TMEM233: variants seen among roughly 807,000 people sequenced by gnomAD.
The protein encoded by TMEM233 is dispanin subfamily B member 2.
A neutral mutation model predicts 11.2 loss-of-function variants in TMEM233; 6 were observed. The observed-to-expected ratio is 0.54, with a 90% CI of 0.29 to 1.06. TMEM233 has a LOEUF of 1.06. TMEM233 is among the 50% of genes least tolerant of loss of function. The pLI is 0.08. For synonymous variants in TMEM233, 59 were observed against 55.8 expected, an observed-to-expected ratio of 1.06 and a Z score of -0.26; for missense variants, 127 against 144.7, an observed-to-expected ratio of 0.88 and a Z score of 0.63.
chr12:119,613,497 T>G (rs1954454186), intron 1 of TMEM233, among the ~76,000 whole-genome samples: 2 of 152,202 alleles, frequency 1.3e-5, no homozygotes, highest in South Asian at 2.1e-4. Flanking sequence ...ACCCACTGAC[T>G]ATGGTCACAG....
chr12:119,646,375 C>G (rs1566118833), downstream of TMEM233, among the ~76,000 whole-genome samples: 1 of 152,168 alleles, frequency 6.6e-6, no homozygotes, highest in Non-Finnish European at 1.5e-5. Flanking sequence ...AGCTTTCTTA[C>G]AGGGCTCTCT....
At chr12:119,649,958 A>C in the TMEM233 span, among the ~76,000 whole-genome samples, 1 of 151,712 alleles carries the variant, frequency 6.6e-6, no homozygotes, top group Admixed American at 6.6e-5. Context: ...GGAGATCAAG[A>C]CCACCCTGGC....
downstream of TMEM233, among the ~76,000 whole-genome samples, chr12:119,644,243 C>A (rs759559312): frequency 1.7e-4 from 26 of 152,136 alleles, no homozygotes; most frequent in Non-Finnish European, 3.2e-4. Flanking sequence ...AGGATTCAAT[C>A]ACTGGAACTG....
downstream of TMEM233, among the ~76,000 whole-genome samples, chr12:119,644,279 C>G (rs1265518276): frequency 6.6e-6 from 1 of 151,906 alleles, no homozygotes; most frequent in Non-Finnish European, 1.5e-5. Flanking sequence ...CCACTCAAAC[C>G]TTATAGATTG....
chr12:119,644,369 A>G (rs1208774222), downstream of TMEM233, among the ~76,000 whole-genome samples: 1 of 152,242 alleles, frequency 6.6e-6, no homozygotes, highest in African/African-American at 2.4e-5. Context: ...CTAGGCAAAA[A>G]AACAAAAACA....
intron 1 of TMEM233, among the ~76,000 whole-genome samples, chr12:119,621,461 G>A (rs190047118): frequency 6.6e-6 from 1 of 152,134 alleles, no homozygotes; most frequent in Non-Finnish European, 1.5e-5. Flanking sequence ...GGGATTACAG[G>A]TATGAGCCAC....
At chr12:119,609,589 C>T (rs781639949) in intron 1 of TMEM233, among the ~76,000 whole-genome samples, 5 of 152,204 alleles carry the variant, frequency 3.3e-5, no homozygotes, top group Admixed American at 1.3e-4. Context: ...CAGCCTCAGA[C>T]GTGATGCCCT....
Position 119,640,804 on chromosome 12 carries a change from G to A in TMEM233, c.*99G>A. ...GAATGGATCCTTGACTTCAGACTGTGAGATCTTTTCCTCCAGGACTCTCCA... is the reference window on the plus strand; with the variant it reads ...GAATGGATCCTTGACTTCAGACTGTAAGATCTTTTCCTCCAGGACTCTCCA... On this transcript the variant is annotated 3_prime_UTR_variant, in exon 3 of 3. Coordinates refer to ENST00000426426, the MANE Select transcript of TMEM233 (RefSeq NM_001136534.3). 1 of 1,376,578 alleles carries A rather than the reference G, an allele frequency of 7.3e-7. No individual in the cohort carries two copies. The allele number at this position is 1,376,578 out of a possible 1,614,324, so 85.3% of individuals were successfully genotyped here.
At chr12:119,631,755 A>G in intron 2 of TMEM233, 3 of 682,226 alleles carry the variant, frequency 4.4e-6, no homozygotes, top group Non-Finnish European at 5.4e-6. Context: ...ACCTTCAGCC[A>G]ATTGTTTAAC....
chr12:119,620,669 C>T (rs1165102107), intron 1 of TMEM233, among the ~76,000 whole-genome samples: 1 of 152,016 alleles, frequency 6.6e-6, no homozygotes, highest in Non-Finnish European at 1.5e-5. Context: ...AAAGATTGCA[C>T]CATAACAAAT....
chr12:119,651,825 CAAAAAAAA>C, the TMEM233 span, among the ~76,000 whole-genome samples: 13 of 79,422 alleles, frequency 1.6e-4, no homozygotes, highest in Non-Finnish European at 2.7e-4. Context: ...GACTCCGTCT[CAAAAAAAA>C]AAAAAAAAAA....
At chr12:119,612,643 T>C (rs1954424548) in intron 1 of TMEM233, among the ~76,000 whole-genome samples, 1 of 151,450 alleles carries the variant, frequency 6.6e-6, no homozygotes, top group African/African-American at 2.4e-5. Context: ...TCCCAGCTAC[T>C]TGGGAGGCTG....
intron 2 of TMEM233, among the ~76,000 whole-genome samples, chr12:119,633,415 T>TA (rs946544159): frequency 7.3e-5 from 11 of 149,712 alleles, no homozygotes; most frequent in East Asian, 5.9e-4. Flanking sequence ...ACCCCATCTC[T>TA]AAAAAAAAAA....
intron 2 of TMEM233, among the ~76,000 whole-genome samples, chr12:119,639,632 GA>G (rs1217920624): frequency 6.6e-6 from 1 of 151,056 alleles, no homozygotes; most frequent in Non-Finnish European, 1.5e-5. Flanking sequence ...AAAAAAAAAA[GA>G]AAAAAAGAAA....
At chr12:119,620,359 A>G (rs1320996848) in intron 1 of TMEM233, among the ~76,000 whole-genome samples, 2 of 152,226 alleles carry the variant, frequency 1.3e-5, no homozygotes, top group African/African-American at 2.4e-5. Flanking sequence ...ATTTGGCTCT[A>G]TCTCTCCAAA....
At chr12:119,623,553 C>CAAAAA (rs57936432) in intron 1 of TMEM233, among the ~76,000 whole-genome samples, 1,382 of 135,668 alleles carry the variant, frequency 0.01, 26 homozygotes, top group African/African-American at 0.036. Context: ...ACCAAAAATA[C>CAAAAA]AAAAAAAAAA....
At chr12:119,599,250 A>G (rs1954109290) in intron 1 of TMEM233, among the ~76,000 whole-genome samples, 1 of 152,216 alleles carries the variant, frequency 6.6e-6, no homozygotes, top group African/African-American at 2.4e-5. Flanking sequence ...GTAGTCAATA[A>G]TAACTTAATT....
the TMEM233 span, among the ~76,000 whole-genome samples, chr12:119,649,853 T>TCAAA: frequency 9.6e-5 from 1 of 10,420 alleles, no homozygotes; most frequent in African/African-American, 5.1e-4. Flanking sequence ...TGTTTAACTA[T>TCAAA]TAAAAAAAAA....
intron 1 of TMEM233, among the ~76,000 whole-genome samples, chr12:119,612,142 T>C (rs1409334179): frequency 3.3e-5 from 5 of 152,090 alleles, no homozygotes. Flanking sequence ...TACAGGCACG[T>C]GGCACCATGC....
Sources: gnomAD v4.1 joint callset for allele counts (sites outside exome capture counted in the v4.1 genomes callset) on GRCh38, gnomAD v4.1.1 for gene constraint, MANE v1.5 for transcripts, NCBI Gene and HGNC (gene_info 2026-07-23, HGNC 2026-07-21) for gene names.